The following CHST11 variants were observed in gnomAD, a reference collection of about 807,000 sequenced individuals.
The protein encoded by CHST11 is C4S-1.
In CHST11, 9 loss-of-function variants were observed where a neutral mutation model predicts 30.4. The ratio of observed to expected loss-of-function variants is 0.30; its 90% CI spans 0.18 to 0.52. The LOEUF (loss-of-function observed/expected upper bound fraction) is 0.52. Among genes scored for constraint, CHST11 ranks in the 20% least tolerant of loss-of-function variants. The pLI, the probability that CHST11 is intolerant of heterozygous loss-of-function variation, is 0.97. For missense variants in CHST11, 348 were observed against 460.6 expected (o/e 0.76, Z 2.24); for synonymous variants, 152 against 187.8 (o/e 0.81, Z 1.56).
At chr12:104,670,818 C>T (rs1206784614) in intron 2 of CHST11, among the ~76,000 whole-genome samples, 1 of 150,242 alleles carries the variant, frequency 6.7e-6, no homozygotes, top group African/African-American at 2.5e-5. Flanking sequence ...AACACACACC[C>T]ACACATACAT....
intron 2 of CHST11, among the ~76,000 whole-genome samples, chr12:104,734,796 G>A (rs2040286144): frequency 6.6e-6 from 1 of 152,196 alleles, no homozygotes; most frequent in Non-Finnish European, 1.5e-5. Context: ...CAAAGTAACA[G>A]CAAGAGAACA....
At position 104,654,270 on chromosome 12, in the gene CHST11, T is replaced by C. The variant is rs1335622192; in HGVS notation, c.204+52279T>C. 2.6e-5 allele frequency among the ~76,000 whole-genome samples: 4 copies of C among 152,158 alleles called. 1 individual carries two copies. The highest frequency in any genetic ancestry group is 2.6e-4 in the Admixed American group (4 of 15,280). ...TGGTGTTCAGAATCATCCAAGCTGGTCCCAGTACTTGGTAGAACCCAAAAA... is the reference window on the plus strand; with the variant it reads ...TGGTGTTCAGAATCATCCAAGCTGGCCCCAGTACTTGGTAGAACCCAAAAA... On this transcript the variant is annotated intron_variant, in intron 2 of 2. Coordinates refer to ENST00000303694, the MANE Select transcript of CHST11 (RefSeq NM_018413.6).
rs1403794941 is a variant in CHST11, at chr12:104,757,300, C to T, written c.556C>T (p.Arg186Trp). The change falls in exon 3 of 3, where the codon CGG (arginine) becomes TGG (tryptophan). Residue 186 changes from arginine to tryptophan, a missense_variant. This residue lies in a region of CHST11 where 210 missense variants were observed against 287.2 expected (regional missense o/e 0.73). Coordinates refer to ENST00000303694, the MANE Select transcript of CHST11 (RefSeq NM_018413.6). This position sits in a 1 kb window ranked among gnomAD's most constrained non-coding sequence, Gnocchi z 6.5. ...AAGCTACATGAAGTTCCTGTTTGTC[C>T]GGGAGCCCTTCGAGAGGCTAGTGTC... ...LKSYMKFLFV[R>W]EPFERLVSAY... 1.2e-6 allele frequency: 2 copies of T among 1,614,072 alleles called. No homozygotes were observed. The highest frequency in any genetic ancestry group is 1.7e-6 in the Non-Finnish European group (2 of 1,180,000).
intron 2 of CHST11, among the ~76,000 whole-genome samples, chr12:104,699,344 A>C (rs1053315035): frequency 1.3e-5 from 2 of 152,272 alleles, no homozygotes; most frequent in African/African-American, 4.8e-5. Context: ...GAGTACAAAG[A>C]AAGTAAAATA....
chr12:104,554,196 G>A (rs910219464), intron 1 of CHST11, among the ~76,000 whole-genome samples: 1 of 152,168 alleles, frequency 6.6e-6, no homozygotes, highest in African/African-American at 2.4e-5. Context: ...TATGCTCAAG[G>A]GGGAAGGGGC....
At chr12:104,585,315 CTG>C (rs1161025776) in intron 1 of CHST11, among the ~76,000 whole-genome samples, 1 of 152,238 alleles carries the variant, frequency 6.6e-6, no homozygotes, top group Admixed American at 6.5e-5. Flanking sequence ...TGTCTGTTAA[CTG>C]TGCAACAGCT....
At chr12:104,606,927 G>A (rs1170636254) in intron 2 of CHST11, among the ~76,000 whole-genome samples, 1 of 152,016 alleles carries the variant, frequency 6.6e-6, no homozygotes, top group Non-Finnish European at 1.5e-5. Flanking sequence ...AATTCGCCCG[G>A]CATGGTGGCT....
rs77010455 is a variant in CHST11, at chr12:104,590,654, G to T, written c.119-11252G>T. Reference sequence around the variant, plus strand: ...AGCATATGGCAGGCGGGGCGCAGTGGCTCATGCCTGTAATCCCAGCACTTT... The same window carrying T: ...AGCATATGGCAGGCGGGGCGCAGTGTCTCATGCCTGTAATCCCAGCACTTT... On this transcript the variant is annotated intron_variant, in intron 1 of 2. Coordinates refer to ENST00000303694, the MANE Select transcript of CHST11 (RefSeq NM_018413.6). Among the ~76,000 whole-genome samples the T allele has an allele frequency of 7.1e-4, 108 of 151,490 alleles. 2 individuals are homozygous for T. The South Asian group carries it at 0.019, about 26-fold the overall frequency.
intron 2 of CHST11, among the ~76,000 whole-genome samples, chr12:104,627,651 T>G (rs1239346671): frequency 2.0e-5 from 3 of 152,242 alleles, no homozygotes; most frequent in African/African-American, 7.2e-5. Flanking sequence ...CCAACAAGAA[T>G]GGAGCACTCC....
intron 2 of CHST11, among the ~76,000 whole-genome samples, chr12:104,660,252 C>T (rs759418973): frequency 1.3e-5 from 2 of 152,178 alleles, no homozygotes; most frequent in Non-Finnish European, 2.9e-5. Flanking sequence ...GAAAGGTCTC[C>T]TGGGTACCAC....
chr12:104,715,359 G>A (rs1460613616), intron 2 of CHST11, among the ~76,000 whole-genome samples: 1 of 152,162 alleles, frequency 6.6e-6, no homozygotes, highest in East Asian at 1.9e-4. Flanking sequence ...GGGTGACAGA[G>A]TGAGACTCTG....
chr12:104,476,524 C>T (rs746438597), intron 1 of CHST11, among the ~76,000 whole-genome samples: 4 of 151,928 alleles, frequency 2.6e-5, no homozygotes, highest in Admixed American at 6.6e-5. Flanking sequence ...TGCCATTCTC[C>T]TTTGTTGAAT....
At chr12:104,510,047 G>A (rs2135980687) in intron 1 of CHST11, among the ~76,000 whole-genome samples, 1 of 152,208 alleles carries the variant, frequency 6.6e-6, no homozygotes, top group South Asian at 2.1e-4. Context: ...TAGCTGGAGG[G>A]GATAAGGACA....
In CHST11 at chr12:104,757,110, C is replaced by T. The variant is rs369783920; in HGVS notation, c.366C>T (p.Tyr122=). 24 of 1,614,020 alleles carry T rather than the reference C, an allele frequency of 1.5e-5. No individual in the cohort carries two copies. The highest frequency in any genetic ancestry group is 6.6e-5 in the South Asian group (6 of 91,086). Residue 122 remains tyrosine, a synonymous_variant, in exon 3 of 3, where the codon TAC becomes TAT. Transcript: ENST00000303694. The surrounding 1 kb of genome is among the most constrained non-coding windows in gnomAD (Gnocchi z 6.5). The part of the protein sequence containing the change: ...VDEDHELIYC[Y]VPKVACTNWK... The stretch of plus-strand genomic sequence containing the variant: ...AGGACCACGAGCTCATCTACTGCTA[C>T]GTGCCCAAGGTGGCCTGCACCAACT...
At chr12:104,544,906 G>A (rs943782213) in intron 1 of CHST11, among the ~76,000 whole-genome samples, 2 of 152,022 alleles carry the variant, frequency 1.3e-5, no homozygotes, top group African/African-American at 2.4e-5. Context: ...CAGCAATTAT[G>A]TCGTTTCGAA....
At chr12:104,707,212 C>G (rs1224998780) in intron 2 of CHST11, among the ~76,000 whole-genome samples, 1 of 152,208 alleles carries the variant, frequency 6.6e-6, no homozygotes. Context: ...TTCCAAGAAT[C>G]TAGAAAAGTA....
At chr12:104,695,751 A>G (rs11610462) in intron 2 of CHST11, among the ~76,000 whole-genome samples, 40,861 of 152,042 alleles carry the variant, frequency 0.27, 6,342 homozygotes, top group South Asian at 0.42. Context: ...CATTACCCAG[A>G]AGCGGCCCCA....
chr12:104,520,604 C>A (rs912851016), intron 1 of CHST11, among the ~76,000 whole-genome samples: 1 of 152,130 alleles, frequency 6.6e-6, no homozygotes, highest in Non-Finnish European at 1.5e-5. Context: ...CTTAGGATGG[C>A]GTAATTTTGT....
intron 2 of CHST11, among the ~76,000 whole-genome samples, chr12:104,627,459 A>C (rs573246091): frequency 6.6e-6 from 1 of 152,216 alleles, no homozygotes; most frequent in African/African-American, 2.4e-5. Flanking sequence ...TAGCTGCCGC[A>C]TGGACTGGAA....
Sources: allele counts gnomAD v4.1 joint callset (sites outside exome capture counted in the v4.1 genomes callset), GRCh38; gene constraint gnomAD v4.1.1; regional missense constraint gnomAD v4.1.1; non-coding constraint Gnocchi (gnomAD v3.1); transcripts MANE v1.5; gene names NCBI Gene and HGNC (gene_info 2026-07-23, HGNC 2026-07-21).